The following TRRAP variants were observed in gnomAD, a reference collection of about 807,000 sequenced individuals.
TRRAP encodes the protein transformation/transcription domain associated protein, also known as transformation/transcription domain-associated protein.
A neutral mutation model predicts 438.8 loss-of-function variants in TRRAP; 41 were observed. The ratio of observed to expected loss-of-function variants is 0.09; its 90% CI spans 0.07 to 0.12. TRRAP has a LOEUF of 0.12. TRRAP is among the 10% of genes least tolerant of loss of function. The pLI is 1.00. For synonymous variants in TRRAP, 1,994 were observed against 1,962.9 expected, an observed-to-expected ratio of 1.02 and a Z score of -0.42; for missense variants, 3,122 against 5,055.1, an observed-to-expected ratio of 0.62 and a Z score of 11.60.
chr7:98,997,429 C>T (rs1002252391), intron 67 of TRRAP, among the ~76,000 whole-genome samples: 1 of 131,076 alleles, frequency 7.6e-6, no homozygotes, highest in Non-Finnish European at 1.6e-5. Flanking sequence ...GCAACAAAAT[C>T]CAGAAAAAGG....
intron 10 of TRRAP, 102 bp downstream of exon 10, chr7:98,899,869 T>C: frequency 7.5e-7 from 1 of 1,335,618 alleles, no homozygotes. Context: ...GTGATAAAAT[T>C]TTGGTAAAAT....
chr7:98,940,776 C>T (rs1483987180), intron 30 of TRRAP, among the ~76,000 whole-genome samples: 1 of 152,188 alleles, frequency 6.6e-6, no homozygotes, highest in Non-Finnish European at 1.5e-5. Context: ...CAGAGGTCTT[C>T]CTGAATTACA....
At chr7:98,986,494 T>C (rs1007279625) in intron 62 of TRRAP, among the ~76,000 whole-genome samples, 6 of 152,246 alleles carry the variant, frequency 3.9e-5, no homozygotes, top group Non-Finnish European at 8.8e-5. Flanking sequence ...GAGTATAAAA[T>C]ATATTTCATT....
rs969488759 is a variant in TRRAP, at chr7:99,005,933, G to A, written c.10753+585G>A. Among the ~76,000 whole-genome samples, 13 of 152,272 alleles carry A rather than the reference G, an allele frequency of 8.5e-5. No homozygotes were observed. Among genetic ancestry groups the A allele is most frequent in the Middle Eastern group, 3.4e-3 (1 of 294 alleles). Reference sequence around the variant, plus strand: ...GAAACCACCCCGGCCGAGCCTGGGCGCCAGCGAGGCAGCAGCATGCATCAG... The same window carrying A: ...GAAACCACCCCGGCCGAGCCTGGGCACCAGCGAGGCAGCAGCATGCATCAG... On this transcript the variant is annotated intron_variant, in intron 69 of 72. Transcript: ENST00000456197. This position sits in a 1 kb window ranked among gnomAD's most constrained non-coding sequence, Gnocchi z 5.1.
chr7:98,992,068 A>G, intron 64 of TRRAP, 69 bp from the exon 65 acceptor site: 1 of 1,543,408 alleles, frequency 6.5e-7, no homozygotes, highest in Non-Finnish European at 9.0e-7. Flanking sequence ...GGTTATTTTC[A>G]GTACAAATTA....
At chr7:98,983,971 C>T in intron 60 of TRRAP, 122 bp from the exon 61 acceptor site, 1 of 1,287,426 alleles carries the variant, frequency 7.8e-7, no homozygotes, top group African/African-American at 1.5e-5. Context: ...GAGGGTTTAT[C>T]ACAGAGCTGC....
At chr7:98,924,162 A>C (rs1789929145) in intron 21 of TRRAP, among the ~76,000 whole-genome samples, 1 of 152,244 alleles carries the variant, frequency 6.6e-6, no homozygotes, top group Admixed American at 6.5e-5. Flanking sequence ...TAACCCAGCA[A>C]ATCTTCCACA....
At position 98,945,602 on chromosome 7, in the gene TRRAP, A is replaced by G. The variant is rs1554416595; in HGVS notation, c.4474-145A>G. 6 of 875,944 alleles carry G rather than the reference A, an allele frequency of 6.8e-6. No homozygotes were observed. In the East Asian group the frequency reaches 1.4e-4, roughly 21 times the overall value. 54.3% of individuals were successfully genotyped at this position (875,944 alleles called of 1,614,324 possible). On this transcript the variant is annotated intron_variant, in intron 31 of 72. Coordinates refer to ENST00000456197, the MANE Select transcript of TRRAP (RefSeq NM_001375524.1). ...GAAAGTGTGCTTTTTGCTGTTGAGC[A>G]TTTGTTAATTACTGTGTGCTTTCTG...
chr7:98,967,734 A>T, intron 51 of TRRAP, 36 bp downstream of exon 51: 1 of 1,593,880 alleles, frequency 6.3e-7, no homozygotes, highest in Non-Finnish European at 8.5e-7. Context: ...GGCCGGGGGC[A>T]GCTGTGGGTT....
At chr7:98,987,435 T>C (rs1349747440) in intron 62 of TRRAP, among the ~76,000 whole-genome samples, 5 of 152,246 alleles carry the variant, frequency 3.3e-5, no homozygotes, top group East Asian at 1.9e-4. Flanking sequence ...CTTGCACTTA[T>C]GTTAAATTTA....
chr7:99,001,709 A>T (rs1793928734), intron 67 of TRRAP, among the ~76,000 whole-genome samples: 1 of 152,110 alleles, frequency 6.6e-6, no homozygotes, highest in Non-Finnish European at 1.5e-5. Context: ...CGTTCGTGGA[A>T]TGCAGTCCGA....
rs570459793 is a variant in TRRAP at position 98,891,418 on chromosome 7, C to T, written c.261+973C>T. On this transcript the variant is annotated intron_variant, in intron 4 of 72. Coordinates refer to ENST00000456197, the MANE Select transcript of TRRAP (RefSeq NM_001375524.1). ...TAGAGACCATGTTGGCCAGGCTGGTCGTGAACTCCTGACCTCAGGTGATCC... is the reference window on the plus strand; with the variant it reads ...TAGAGACCATGTTGGCCAGGCTGGTTGTGAACTCCTGACCTCAGGTGATCC... 6.6e-5 allele frequency among the ~76,000 whole-genome samples: 10 copies of T among 151,548 alleles called. No homozygotes were observed. In the South Asian group the frequency reaches 1.7e-3, roughly 25 times the overall value.
chr7:98,997,628 GA>G (rs1223906494), intron 67 of TRRAP, among the ~76,000 whole-genome samples: 2 of 151,290 alleles, frequency 1.3e-5, no homozygotes. Context: ...GATAATTCAG[GA>G]ACATTCAGCT....
intron 7 of TRRAP, 21 bp downstream of exon 7, chr7:98,895,841 T>C (rs1554405651): frequency 5.1e-6 from 8 of 1,580,146 alleles, no homozygotes; most frequent in Non-Finnish European, 6.9e-6. Context: ...ACTTTGGTTT[T>C]AATTAGTTAC....
At chr7:98,997,277 G>A (rs923059416) in intron 67 of TRRAP, among the ~76,000 whole-genome samples, 106 of 151,880 alleles carry the variant, frequency 7.0e-4, no homozygotes, top group African/African-American at 2.4e-3. Context: ...CTGCACTCCA[G>A]CCTGGGCAAC....
chr7:98,934,661 A>G lies in TRRAP; in HGVS notation c.4015-918A>G, dbSNP rs556027348. On this transcript the variant is annotated intron_variant, in intron 27 of 72. Coordinates refer to ENST00000456197, the MANE Select transcript of TRRAP (RefSeq NM_001375524.1). ...TTCCTTGGAGATTCAGGTTCAGTCCATTTGGGTGAGACCTGGGAATCCACT... is the reference window on the plus strand; with the variant it reads ...TTCCTTGGAGATTCAGGTTCAGTCCGTTTGGGTGAGACCTGGGAATCCACT... Among the ~76,000 whole-genome samples, 9 of 152,236 alleles carry G rather than the reference A, an allele frequency of 5.9e-5. No individual in the cohort carries two copies. The South Asian group carries it at 6.2e-4, about 11-fold the overall frequency.
chr7:98,912,335 G>A (rs2116417715), intron 18 of TRRAP, 122 bp downstream of exon 18: 1 of 1,002,988 alleles, frequency 1.0e-6, no homozygotes, highest in Non-Finnish European at 1.4e-6. Flanking sequence ...CACCTGCCTT[G>A]ATCTCCCCAG....
intron 5 of TRRAP, among the ~76,000 whole-genome samples, chr7:98,892,776 C>T (rs1235523248): frequency 2.0e-5 from 3 of 152,150 alleles, no homozygotes; most frequent in South Asian, 2.1e-4. Flanking sequence ...GAAACAGTTG[C>T]GGATGGTGAG....
At chr7:98,983,951 A>G (rs367883673) in intron 60 of TRRAP, 142 bp from the exon 61 acceptor site, 4 of 1,105,906 alleles carry the variant, frequency 3.6e-6, no homozygotes, top group Non-Finnish European at 2.5e-6. Flanking sequence ...GGCATAAAAT[A>G]CAAAGTAACG....
Sources: gnomAD v4.1 joint callset for allele counts (sites outside exome capture counted in the v4.1 genomes callset) on GRCh38, gnomAD v4.1.1 for gene constraint, Gnocchi (gnomAD v3.1) non-coding constraint, MANE v1.5 for transcripts, NCBI Gene and HGNC (gene_info 2026-07-23, HGNC 2026-07-21) for gene names.